The following TLK1 variants were observed in gnomAD, a reference collection of about 807,000 sequenced individuals.
TLK1 encodes tousled like kinase 1.
A neutral mutation model predicts 105.3 loss-of-function variants in TLK1; 24 were observed. That is an observed-to-expected ratio of 0.23 (90% CI 0.17 to 0.32). TLK1 has a LOEUF of 0.32. Ranked by LOEUF, TLK1 falls within the 10% of genes least tolerant of loss-of-function variation. The pLI is 1.00. For missense variants in TLK1, 558 were observed against 910.5 expected (o/e 0.61, Z 4.98); for synonymous variants, 321 against 310.4 (o/e 1.03, Z -0.36).
At chr2:171,181,075 T>A (rs1692921522) in intron 1 of TLK1, among the ~76,000 whole-genome samples, 1 of 152,204 alleles carries the variant, frequency 6.6e-6, no homozygotes, top group African/African-American at 2.4e-5. Flanking sequence ...TGCCATTTGT[T>A]CTGATCTTTC....
chr2:171,154,350 C>A (rs559438034), intron 1 of TLK1: 11 of 152,082 alleles, frequency 7.2e-5, no homozygotes, highest in Admixed American at 5.9e-4. Flanking sequence ...CTGGAAGAGA[C>A]CTTTGAGAGC....
intron 1 of TLK1, among the ~76,000 whole-genome samples, chr2:171,195,643 CTG>C (rs1480630704): frequency 6.6e-6 from 1 of 152,000 alleles, no homozygotes; most frequent in Non-Finnish European, 1.5e-5. Context: ...ATCATCAACA[CTG>C]TTCATTTTGT....
intron 20 of TLK1, among the ~76,000 whole-genome samples, chr2:170,995,284 T>C (rs191207537): frequency 1.6e-4 from 24 of 152,268 alleles, no homozygotes; most frequent in Non-Finnish European, 3.2e-4. Flanking sequence ...GGGAAAGTAC[T>C]TGGCAAAGGT....
chr2:171,025,558 G>A (rs1685733743), intron 12 of TLK1, among the ~76,000 whole-genome samples: 1 of 152,074 alleles, frequency 6.6e-6, no homozygotes, highest in Non-Finnish European at 1.5e-5. Context: ...TACAAGGGGC[G>A]TCAAATATTC....
At chr2:171,194,823 A>G (rs889621513) in intron 1 of TLK1, among the ~76,000 whole-genome samples, 4 of 149,128 alleles carry the variant, frequency 2.7e-5, no homozygotes, top group African/African-American at 9.9e-5. Context: ...TCTCAGGGAA[A>G]AAAAAAAAAA....
chr2:171,183,379 A>G (rs1692963174), intron 1 of TLK1, among the ~76,000 whole-genome samples: 1 of 152,162 alleles, frequency 6.6e-6, no homozygotes, highest in Non-Finnish European at 1.5e-5. Flanking sequence ...TTTACCACAT[A>G]TGTAGAAATT....
intron 1 of TLK1, among the ~76,000 whole-genome samples, chr2:171,207,885 C>G (rs1295360589): frequency 1.3e-5 from 2 of 152,074 alleles, no homozygotes; most frequent in East Asian, 3.8e-4. Flanking sequence ...GCCACCACGG[C>G]CAACTAATTT....
At chr2:171,002,206 C>G (rs1371100571) in intron 18 of TLK1, among the ~76,000 whole-genome samples, 2 of 152,292 alleles carry the variant, frequency 1.3e-5, no homozygotes, top group Middle Eastern at 3.4e-3. Flanking sequence ...ATGAAATTCT[C>G]CAGCTTTAGA....
At chr2:171,058,015 A>G (rs1466220847) in intron 5 of TLK1, 136 bp downstream of exon 5, 7 of 737,018 alleles carry the variant, frequency 9.5e-6, no homozygotes, top group Non-Finnish European at 1.5e-5. Flanking sequence ...TCCTAGAAAG[A>G]TATCACATAG....
Position 171,035,341 on chromosome 2 carries a change from CAAA to C in TLK1, c.1170-6939_1170-6937del, listed in dbSNP as rs60204275. Among the ~76,000 whole-genome samples, 41 of 148,164 alleles carry C rather than the reference CAAA, an allele frequency of 2.8e-4. 1 individual carries two copies. The highest frequency in any genetic ancestry group is 4.5e-4 in the Non-Finnish European group (30 of 66,966). On this transcript the variant is annotated intron_variant, in intron 11 of 20. Coordinates refer to ENST00000431350, the MANE Select transcript of TLK1 (RefSeq NM_012290.5). ...TGGGCACAAGAGCAAAACTCCGTCT[CAAA>C]AAAAAAAAAGGGGGTTGGGGGAGTT...
intron 3 of TLK1, among the ~76,000 whole-genome samples, chr2:171,067,326 G>GT (rs11399479): frequency 0.57 from 85,958 of 150,090 alleles, 26,470 homozygotes; most frequent in East Asian, 0.95. Flanking sequence ...CACCCAGCTT[G>GT]TTTTTTTTGT....
chr2:171,199,072 A>C (rs1693349803), intron 1 of TLK1, among the ~76,000 whole-genome samples: 1 of 152,240 alleles, frequency 6.6e-6, no homozygotes, highest in African/African-American at 2.4e-5. Context: ...TTGTTTTCCA[A>C]AGAGCCATCT....
intron 11 of TLK1, among the ~76,000 whole-genome samples, chr2:171,033,436 A>G (rs904023941): frequency 1.3e-5 from 2 of 152,122 alleles, no homozygotes; most frequent in African/African-American, 4.8e-5. Flanking sequence ...ACAGTGGGGA[A>G]GGGGGCAAAA....
At chr2:171,113,322 G>T (rs1293508697) in intron 2 of TLK1, among the ~76,000 whole-genome samples, 1 of 150,702 alleles carries the variant, frequency 6.6e-6, no homozygotes, top group African/African-American at 2.5e-5. Context: ...CCAGGCTGGA[G>T]TGCAATGGCA....
intron 1 of TLK1, among the ~76,000 whole-genome samples, chr2:171,180,419 A>T (rs1245738955): frequency 6.6e-6 from 1 of 152,186 alleles, no homozygotes; most frequent in Non-Finnish European, 1.5e-5. Flanking sequence ...TAAGGAGACC[A>T]ATTGTTTTCT....
chr2:171,148,879 T>TAAG (rs1691901374), intron 1 of TLK1, among the ~76,000 whole-genome samples: 1 of 103,950 alleles, frequency 9.6e-6, no homozygotes, highest in African/African-American at 4.5e-5. Context: ...GACTCTGTCT[T>TAAG]AAAAAAAAAA....
chr2:171,103,395 G>A (rs986738197), intron 2 of TLK1, among the ~76,000 whole-genome samples: 9 of 151,440 alleles, frequency 5.9e-5, no homozygotes, highest in East Asian at 5.8e-4. Flanking sequence ...CTCCTGCCTC[G>A]GATTCCTGAG....
intron 12 of TLK1, among the ~76,000 whole-genome samples, chr2:171,024,505 A>G (rs1188963915): frequency 1.3e-5 from 2 of 152,198 alleles, no homozygotes; most frequent in South Asian, 2.1e-4. Flanking sequence ...CCACACACCA[A>G]AAGAAAACTT....
intron 1 of TLK1, among the ~76,000 whole-genome samples, chr2:171,222,710 A>T (rs78301862): frequency 3.9e-5 from 6 of 152,310 alleles, no homozygotes; most frequent in Admixed American, 1.3e-4. Flanking sequence ...TTGGATATCC[A>T]TCACCTCAAG....
Sources: gnomAD v4.1 joint callset for allele counts (sites outside exome capture counted in the v4.1 genomes callset) on GRCh38, gnomAD v4.1.1 for gene constraint, MANE v1.5 for transcripts, NCBI Gene and HGNC (gene_info 2026-07-23, HGNC 2026-07-21) for gene names.